Variants in TDRD6 observed in about 807,000 individuals in gnomAD.
The protein encoded by TDRD6 is tudor domain containing 6.
In TDRD6, 186 loss-of-function variants were observed where a neutral mutation model predicts 157.5. The observed-to-expected ratio is 1.18, with a 90% CI of 1.05 to 1.33. TDRD6 has a LOEUF of 1.33. Among genes scored for constraint, TDRD6 ranks in the 40% most tolerant of loss-of-function variants. The pLI is 0.00. For synonymous variants in TDRD6, 1,075 were observed against 945.2 expected (o/e 1.14, Z -2.52); for missense variants, 3,066 against 2,508.0 (o/e 1.22, Z -4.75).
Position 46,693,118 on chromosome 6 carries a change from G to A in TDRD6, c.4990G>A (p.Glu1664Lys). The A allele has an allele frequency of 6.2e-7, 1 of 1,613,126 alleles. No individual in the cohort carries two copies. The highest frequency in any genetic ancestry group is 8.5e-7 in the Non-Finnish European group (1 of 1,179,708). ...FYEIITEDVL[E>K]ITILEIRRDV... ...TGAAATAATAACAGAAGATGTGTTG[G>A]AAATAACAATACTAGAAATCAGAAG... is the stretch of plus-strand genomic sequence containing the variant. The change falls in exon 1 of 4, where the codon GAA becomes AAA. Residue 1664 changes from glutamate (E) to lysine (K), a missense_variant. Transcript: ENST00000316081.
Position 46,691,851 on chromosome 6 carries a change from C to G in TDRD6, c.3723C>G (p.Asp1241Glu). ...TKTNLVTQYQ[D>E]SVGNKNSQVF... Reference sequence around the variant, plus strand: ...CAAACTTAGTCACTCAATATCAAGACTCTGTGGGAAATAAAAATAGTCAAG... The same window carrying G: ...CAAACTTAGTCACTCAATATCAAGAGTCTGTGGGAAATAAAAATAGTCAAG... Residue 1241 changes from aspartate (D) to glutamate (E), a missense_variant, in exon 1 of 4, where the codon GAC becomes GAG. By Grantham distance (45) the Asp-to-Glu change is conservative. Transcript: ENST00000316081. 1 of 1,596,340 alleles carries G rather than the reference C, an allele frequency of 6.3e-7. No individual in the cohort carries two copies. Among genetic ancestry groups the G allele is most frequent in the South Asian group, 1.1e-5 (1 of 87,452 alleles).
chr6:46,691,551 A>G lies in TDRD6; in HGVS notation c.3423A>G (p.Leu1141=), dbSNP rs752565911. The G allele has an allele frequency of 2.5e-6, 4 of 1,613,642 alleles. No homozygotes were observed. Among genetic ancestry groups the G allele is most frequent in the African/African-American group, 1.3e-5 (1 of 74,916 alleles). The change falls in exon 1 of 4, where the codon CTA becomes CTG. Residue 1141 remains leucine, a synonymous_variant. Transcript: ENST00000316081. ...CAGATGGAACACTGATTATAGAACT[A>G]TATGGTGACAATATTCAAATTAGTG... is the stretch of plus-strand genomic sequence containing the variant. ...KDPDGTLIIE[L]YGDNIQISAS...
At chr6:46,697,432 G>T (rs1262166896) in intron 2 of TDRD6, among the ~76,000 whole-genome samples, 2 of 152,080 alleles carry the variant, frequency 1.3e-5, no homozygotes, top group Non-Finnish European at 1.5e-5. Context: ...CTGCTTAGAG[G>T]TCTTTTCTCC....
In TDRD6 at chr6:46,687,939, C is replaced by A; in HGVS notation, c.-190C>A. On this transcript the variant is annotated 5_prime_UTR_variant, in exon 1 of 4. Coordinates refer to ENST00000316081, the MANE Select transcript of TDRD6 (RefSeq NM_001010870.3). ...GAGGGGCTACCGGGTCTTACCAGTC[C>A]GTGGCGGGAGTCCCGGAGGACCCTC... 4 of 880,868 alleles carry A rather than the reference C, an allele frequency of 4.5e-6. No homozygotes were observed. Among genetic ancestry groups the A allele is most frequent in the Non-Finnish European group, 4.8e-6 (3 of 625,128 alleles). 54.6% of individuals were successfully genotyped at this position (880,868 alleles called of 1,614,324 possible).
Position 46,693,419 on chromosome 6 carries a change from A to C in TDRD6, c.5291A>C (p.Lys1764Thr). Residue 1764 changes from lysine (K) to threonine (T), a missense_variant, in exon 1 of 4, where the codon AAA becomes ACA. Lys to Thr is a moderately conservative substitution (Grantham distance 78). Transcript: ENST00000316081. ...TEKDVNIIGT[K>T]PSNFRDPKTD... The stretch of plus-strand genomic sequence containing the variant: ...AAAGATGTAAACATTATTGGAACCA[A>C]ACCAAGTAACTTCCGTGACCCTAAA... 6.2e-7 allele frequency: 1 copy of C among 1,614,096 alleles called. No homozygotes were observed. The highest frequency in any genetic ancestry group is 1.3e-5 in the African/African-American group (1 of 75,040).
Position 46,691,563 on chromosome 6 carries a change from T to C in TDRD6, c.3435T>C (p.Asn1145=), listed in dbSNP as rs764111609. ...TGATTATAGAACTATATGGTGACAA[T>C]ATTCAAATTAGTGCTAGTATTAATA... The part of the protein sequence containing the change: ...GTLIIELYGD[N]IQISASINKK... The change falls in exon 1 of 4, where the codon AAT becomes AAC. Residue 1145 remains asparagine, a synonymous_variant. Transcript: ENST00000316081. The C allele has an allele frequency of 4.3e-6, 7 of 1,613,642 alleles. No homozygotes were observed. In the East Asian group the frequency reaches 1.3e-4, roughly 31 times the overall value.
Position 46,693,851 on chromosome 6 carries a change from A to C in TDRD6, c.5723A>C (p.Glu1908Ala). 6.2e-7 allele frequency: 1 copy of C among 1,614,216 alleles called. No individual in the cohort carries two copies. Among genetic ancestry groups the C allele is most frequent in the Non-Finnish European group, 8.5e-7 (1 of 1,180,042 alleles). Residue 1908 changes from glutamate to alanine, a missense_variant, in exon 1 of 4, where the codon GAA (glutamate) becomes GCA (alanine). Coordinates refer to ENST00000316081, the MANE Select transcript of TDRD6 (RefSeq NM_001010870.3). ...SCEAEKQPELELPTAQLPLDD... is the reference protein window; with the variant it reads ...SCEAEKQPELALPTAQLPLDD... ...GAAGCTGAGAAACAGCCAGAACTAG[A>C]ACTACCTACAGCCCAGCTGCCTTTA...
chr6:46,694,070 A>C lies in TDRD6; in HGVS notation c.5942A>C (p.Glu1981Ala). 1 of 1,613,718 alleles carries C rather than the reference A, an allele frequency of 6.2e-7. No individual in the cohort carries two copies. Among genetic ancestry groups the C allele is most frequent in the South Asian group, 1.1e-5 (1 of 90,952 alleles). Residue 1981 changes from glutamate to alanine, a missense_variant, in exon 1 of 4, where the codon GAG becomes GCG. Coordinates refer to ENST00000316081, the MANE Select transcript of TDRD6 (RefSeq NM_001010870.3). The stretch of plus-strand genomic sequence containing the variant: ...AATATATGTGAAGAAGAATTTGTAG[A>C]GTATAAAAACAGGGATGCCATTTCG... ...EMNICEEEFVEYKNRDAISAL... is the reference protein window; with the variant it reads ...EMNICEEEFVAYKNRDAISAL...
upstream of TDRD6, among the ~76,000 whole-genome samples, chr6:46,684,964 G>A (rs962934519): frequency 6.7e-6 from 1 of 149,732 alleles, no homozygotes; most frequent in Non-Finnish European, 1.5e-5. Context: ...GTGTTATCAC[G>A]ATTTTTTAGC....
At chr6:46,681,270 CAT>C in the TDRD6 span, among the ~76,000 whole-genome samples, 217 of 152,240 alleles carry the variant, frequency 1.4e-3, 1 homozygote, top group African/African-American at 4.4e-3. Flanking sequence ...GTGTTTAAAA[CAT>C]GTCATAATTT....
chr6:46,702,416 G>T lies in TDRD6; in HGVS notation c.*529G>T, dbSNP rs1354406677. ...TGAATAAAGTTTATCCTTAAATAAA[G>T]TTTATCCTTAATATGATGGTCTCAT... On this transcript the variant is annotated 3_prime_UTR_variant, in exon 4 of 4. Transcript: ENST00000316081. The T allele has an allele frequency of 6.6e-6, 1 of 152,018 alleles. No individual in the cohort carries two copies. The highest frequency in any genetic ancestry group is 2.4e-5 in the African/African-American group (1 of 41,374). The allele number at this position is 152,018 out of a possible 1,614,324, so 9.4% of individuals were successfully genotyped here.
Position 46,690,901 on chromosome 6 carries a change from T to C in TDRD6, c.2773T>C (p.Phe925Leu). 1 of 1,613,954 alleles carries C rather than the reference T, an allele frequency of 6.2e-7. No homozygotes were observed. The highest frequency in any genetic ancestry group is 2.2e-5 in the East Asian group (1 of 44,876). The part of the protein sequence containing the change: ...QKNLELKCTI[F>L]ALASINEELF... ...AAATCTAGAATTAAAATGTACAATA[T>C]TTGCTCTGGCTTCAATTAATGAAGA... Residue 925 changes from phenylalanine (F) to leucine (L), a missense_variant, in exon 1 of 4, where the codon TTT becomes CTT. Physicochemically the swap from Phe to Leu is conservative, Grantham distance 22. Coordinates refer to ENST00000316081, the MANE Select transcript of TDRD6 (RefSeq NM_001010870.3).
At chr6:46,700,112 T>C (rs901349912) in intron 3 of TDRD6, among the ~76,000 whole-genome samples, 1 of 152,206 alleles carries the variant, frequency 6.6e-6, no homozygotes, top group Non-Finnish European at 1.5e-5. Context: ...CCATTAATTA[T>C]GAAGAATCCA....
chr6:46,685,018 T>G (rs1208327325), upstream of TDRD6, among the ~76,000 whole-genome samples: 3 of 151,792 alleles, frequency 2.0e-5, no homozygotes, highest in Admixed American at 1.3e-4. Context: ...TTGTGGGTTT[T>G]TTTTTTTTTT....
In TDRD6 at chr6:46,688,524, G is replaced by T; in HGVS notation, c.396G>T (p.Ala132=). The T allele has an allele frequency of 6.4e-7, 1 of 1,569,712 alleles. No individual in the cohort carries two copies. ...LPSEVLGCVL[A]GLVPAGCGAG... ...CGGAAGTGCTGGGCTGCGTGCTAGCGGGCCTGGTGCCGGCAGGCTGCGGCG... is the reference window on the plus strand; with the variant it reads ...CGGAAGTGCTGGGCTGCGTGCTAGCTGGCCTGGTGCCGGCAGGCTGCGGCG... The change falls in exon 1 of 4, where the codon GCG becomes GCT. Residue 132 remains alanine (A), a synonymous_variant. Coordinates refer to ENST00000316081, the MANE Select transcript of TDRD6 (RefSeq NM_001010870.3).
At position 46,688,877 on chromosome 6, in the gene TDRD6, T is replaced by C; in HGVS notation, c.749T>C (p.Val250Ala). 1 of 1,608,582 alleles carries C rather than the reference T, an allele frequency of 6.2e-7. No individual in the cohort carries two copies. The highest frequency in any genetic ancestry group is 8.5e-7 in the Non-Finnish European group (1 of 1,176,540). Residue 250 changes from valine to alanine, a missense_variant, in exon 1 of 4, where the codon GTG (valine) becomes GCG (alanine). Transcript: ENST00000316081. The part of the protein sequence containing the change: ...DYFYPQLQLG[V>A]TEAVVITQVC... ...TTCTATCCCCAGCTGCAGCTGGGCG[T>C]GACGGAGGCCGTGGTCATAACCCAA...
upstream of TDRD6, among the ~76,000 whole-genome samples, chr6:46,685,838 GTT>G (rs776336754): frequency 3.7e-4 from 57 of 152,194 alleles, no homozygotes; most frequent in Admixed American, 7.2e-4. Context: ...TGGGAGGAAA[GTT>G]TATTTATTAT....
chr6:46,703,750 T>G lies in TDRD6; in HGVS notation c.*1863T>G, dbSNP rs1200290236. ...ACATTAAATAAAATTAACTGGAATA[T>G]GAAGAAGCTAAATGTAATTCTGAAT... On this transcript the variant is annotated 3_prime_UTR_variant, in exon 4 of 4. Coordinates refer to ENST00000316081, the MANE Select transcript of TDRD6 (RefSeq NM_001010870.3). The G allele has an allele frequency of 6.6e-6, 1 of 152,114 alleles. No homozygotes were observed. Among genetic ancestry groups the G allele is most frequent in the African/African-American group, 2.4e-5 (1 of 41,444 alleles). 9.4% of individuals were successfully genotyped at this position (152,114 alleles called of 1,614,324 possible).
In TDRD6 at chr6:46,698,061, C is replaced by G; in HGVS notation, c.6235C>G (p.Pro2079Ala). ...VNPENVWNGIPKLDKSPPEKR... is the reference protein window; with the variant it reads ...VNPENVWNGIAKLDKSPPEKR... ...CCCTGAGAATGTCTGGAATGGCATA[C>G]CCAAATTGGATAAGAGTCCACCTGA... Residue 2079 changes from proline to alanine, a missense_variant, in exon 3 of 4, where the codon CCC (proline) becomes GCC (alanine). Coordinates refer to ENST00000316081, the MANE Select transcript of TDRD6 (RefSeq NM_001010870.3). 6.2e-7 allele frequency: 1 copy of G among 1,609,418 alleles called. No individual in the cohort carries two copies. Among genetic ancestry groups the G allele is most frequent in the South Asian group, 1.1e-5 (1 of 90,488 alleles).
Sources: gnomAD v4.1 joint callset for allele counts (sites outside exome capture counted in the v4.1 genomes callset) on GRCh38, gnomAD v4.1.1 for gene constraint, MANE v1.5 for transcripts, NCBI Gene and HGNC (gene_info 2026-07-23, HGNC 2026-07-21) for gene names.